The following LRRC37A2 variants were observed in gnomAD, a reference collection of about 807,000 sequenced individuals.
LRRC37A2 encodes leucine-rich repeat-containing protein 37A2.
A neutral mutation model predicts 68.8 loss-of-function variants in LRRC37A2; 9 were observed. The ratio of observed to expected loss-of-function variants is 0.13; its 90% CI spans 0.08 to 0.23. LRRC37A2 has a LOEUF of 0.23. Among genes scored for constraint, LRRC37A2 ranks in the 10% least tolerant of loss-of-function variants. The pLI, the probability that LRRC37A2 is intolerant of heterozygous loss-of-function variation, is 1.00. For synonymous variants in LRRC37A2, 63 were observed against 367.6 expected (o/e 0.17, Z 9.48); for missense variants, 168 against 950.4 (o/e 0.18, Z 10.82).
At chr17:46,863,245 C>T in the LRRC37A2 span, among the ~76,000 whole-genome samples, 1 of 152,232 alleles carries the variant, frequency 6.6e-6, no homozygotes, top group Non-Finnish European at 1.5e-5. Context: ...CACAGCGAAG[C>T]CAGCAGGGTG....
chr17:46,916,462 C>T, the LRRC37A2 span, among the ~76,000 whole-genome samples: 56,923 of 152,080 alleles, frequency 0.37, 10,713 homozygotes, highest in South Asian at 0.48. Context: ...GCCTAAAGAA[C>T]TCAAGAGAAG....
the LRRC37A2 span, among the ~76,000 whole-genome samples, chr17:46,791,501 C>T: frequency 1.3e-5 from 2 of 152,172 alleles, no homozygotes; most frequent in Non-Finnish European, 2.9e-5. Flanking sequence ...GCCACCACGC[C>T]CGGCCTCCTC....
At chr17:46,769,971 C>A in the LRRC37A2 span, 1 of 1,611,868 alleles carries the variant, frequency 6.2e-7, no homozygotes, top group Non-Finnish European at 8.5e-7. Flanking sequence ...GTGGAGGTGC[C>A]CTCGGCGCAG....
the LRRC37A2 span, among the ~76,000 whole-genome samples, chr17:46,990,285 G>T: frequency 6.6e-6 from 1 of 152,140 alleles, no homozygotes; most frequent in African/African-American, 2.4e-5. Context: ...GTGACATAAG[G>T]TATTAAATTA....
the LRRC37A2 span, among the ~76,000 whole-genome samples, chr17:46,918,164 C>T: frequency 6.6e-6 from 1 of 152,236 alleles, no homozygotes; most frequent in Non-Finnish European, 1.5e-5. Flanking sequence ...ACCGCAACCT[C>T]CGCCTCCCGG....
chr17:46,875,045 T>TCCTTTCCTCTCTTCCC, the LRRC37A2 span: 2 of 1,613,114 alleles, frequency 1.2e-6, no homozygotes, highest in African/African-American at 1.3e-5. Context: ...CTAAGCTTCC[T>TCCTTTCCTCTCTTCCC]CCTTTCCTCT....
the LRRC37A2 span, among the ~76,000 whole-genome samples, chr17:46,575,294 C>T: frequency 6.1e-5 from 9 of 148,288 alleles, no homozygotes; most frequent in Admixed American, 1.4e-4. Flanking sequence ...CGGTAAAACA[C>T]AGTGCTGGTT....
At chr17:47,010,785 G>C in the LRRC37A2 span, 9 of 152,226 alleles carry the variant, frequency 5.9e-5, no homozygotes, top group Non-Finnish European at 8.8e-5. Flanking sequence ...GCTATGAAAG[G>C]GGGTGGGAAC....
intron 3 of LRRC37A2, among the ~76,000 whole-genome samples, chr17:46,519,731 AAAC>A (rs2052035552): frequency 6.8e-6 from 1 of 147,948 alleles, no homozygotes; most frequent in Non-Finnish European, 1.5e-5. Context: ...AATTAAATAT[AAAC>A]AACATTTATG....
chr17:46,785,582 C>T, the LRRC37A2 span, among the ~76,000 whole-genome samples: 20 of 152,358 alleles, frequency 1.3e-4, no homozygotes, highest in African/African-American at 4.3e-4. Context: ...TTAGCAACTC[C>T]CTTCTGCCCG....
At chr17:46,876,648 T>C in the LRRC37A2 span, 2 of 1,607,504 alleles carry the variant, frequency 1.2e-6, no homozygotes, top group Non-Finnish European at 1.7e-6. Context: ...CACTGCCAGG[T>C]GCAGTGGTGC....
At chr17:46,770,491 C>G in the LRRC37A2 span, among the ~76,000 whole-genome samples, 1 of 152,148 alleles carries the variant, frequency 6.6e-6, no homozygotes, top group Non-Finnish European at 1.5e-5. Flanking sequence ...GGAGGGAGGC[C>G]TGGGAATCTA....
At chr17:46,792,521 T>TG in the LRRC37A2 span, among the ~76,000 whole-genome samples, 1 of 152,148 alleles carries the variant, frequency 6.6e-6, no homozygotes, top group Non-Finnish European at 1.5e-5. Context: ...TCACCCAGGC[T>TG]GGAGTGCAAT....
chr17:46,754,320 G>C, the LRRC37A2 span, among the ~76,000 whole-genome samples: 1 of 149,858 alleles, frequency 6.7e-6, no homozygotes, highest in African/African-American at 2.4e-5. Flanking sequence ...TTCTGGGATA[G>C]AAGAAATCTT....
chr17:46,857,561 T>C, the LRRC37A2 span, among the ~76,000 whole-genome samples: 2 of 151,742 alleles, frequency 1.3e-5, no homozygotes, highest in Non-Finnish European at 1.5e-5. Context: ...TCCATGTACA[T>C]CTCTTTTTGT....
At chr17:47,028,594 G>C in the LRRC37A2 span, among the ~76,000 whole-genome samples, 1 of 152,124 alleles carries the variant, frequency 6.6e-6, no homozygotes, top group Non-Finnish European at 1.5e-5. Context: ...GCAAGAAAAG[G>C]CATCAAAGAG....
chr17:46,992,224 C>G, the LRRC37A2 span, among the ~76,000 whole-genome samples: 1 of 41,626 alleles, frequency 2.4e-5, no homozygotes, highest in Non-Finnish European at 6.5e-5. Context: ...ATAAATTAGC[C>G]AGGTGTAGTG....
At chr17:46,992,219 T>TAAATAAA in the LRRC37A2 span, among the ~76,000 whole-genome samples, 3 of 151,402 alleles carry the variant, frequency 2.0e-5, no homozygotes, top group Non-Finnish European at 4.4e-5. Flanking sequence ...AATAAATAAA[T>TAAATAAA]TAGCCAGGTG....
At chr17:46,928,240 G>A in the LRRC37A2 span, among the ~76,000 whole-genome samples, 12,578 of 152,240 alleles carry the variant, frequency 0.083, 703 homozygotes, top group South Asian at 0.21. Context: ...TTTGGTGCCC[G>A]AGGGCATATC....
Sources: allele counts gnomAD v4.1 joint callset (sites outside exome capture counted in the v4.1 genomes callset), GRCh38; gene constraint gnomAD v4.1.1; transcripts MANE v1.5; gene names NCBI Gene and HGNC (gene_info 2026-07-23, HGNC 2026-07-21).